Variants in MMRN2 observed in about 807,000 individuals in gnomAD.
MMRN2 encodes the protein multimerin-2.
A neutral mutation model predicts 68.8 loss-of-function variants in MMRN2; 53 were observed. The observed-to-expected ratio is 0.77, with a 90% CI of 0.62 to 0.97. The LOEUF is 0.97. Ranked by LOEUF, MMRN2 falls within the 50% of genes least tolerant of loss-of-function variation. The pLI, the probability that MMRN2 is intolerant of heterozygous loss-of-function variation, is 0.00. For missense variants in MMRN2, 1,266 were observed against 1,259.5 expected (o/e 1.01, Z -0.08); for synonymous variants, 564 against 551.6 (o/e 1.02, Z -0.32).
rs1033563788 is a variant in MMRN2, at chr10:86,943,603, A to C, written c.1181T>G (p.Leu394Trp). ...CCTCATGTCCTCCAGGGTGTACTGC[A>C]ACTCCTCCTCCCTGCGGGCCGTGGT... Reference protein sequence around the residue: ...HMTTARREEELQYTLEDMRAT... With the variant: ...HMTTARREEEWQYTLEDMRAT... Residue 394 changes from leucine to tryptophan, a missense_variant, in exon 6 of 7, where the codon TTG (leucine) becomes TGG (tryptophan). Physicochemically the swap from Leu to Trp is moderately conservative, Grantham distance 61 (BLOSUM62 -2). Coordinates refer to ENST00000372027, the MANE Select transcript of MMRN2 (RefSeq NM_024756.3). This position sits in a 1 kb window ranked among gnomAD's most constrained non-coding sequence, Gnocchi z 4.2. The C allele has an allele frequency of 1.6e-5, 26 of 1,613,788 alleles. No homozygotes were observed. Among genetic ancestry groups the C allele is most frequent in the Non-Finnish European group, 2.1e-5 (25 of 1,180,010 alleles).
intron 6 of MMRN2, among the ~76,000 whole-genome samples, chr10:86,939,160 CAA>C (rs71019439): frequency 0.092 from 8,908 of 96,334 alleles, 413 homozygotes; most frequent in East Asian, 0.16. Flanking sequence ...GAAACTCCGT[CAA>C]AAAAAAAAAA....
In MMRN2 at chr10:86,942,719, C is replaced by T. The variant is rs1010480626; in HGVS notation, c.2065G>A (p.Ala689Thr). 7 of 1,470,560 alleles carry T rather than the reference C, an allele frequency of 4.8e-6. No individual in the cohort carries two copies. The East Asian group carries it at 1.8e-4, about 38-fold the overall frequency. The allele number at this position is 1,470,560 out of a possible 1,614,324, so 91.1% of individuals were successfully genotyped here. A position where few individuals can be genotyped will look rare whatever the true frequency, so the allele number is the denominator to read the frequency against. The change falls in exon 6 of 7, where the codon GCC (alanine) becomes ACC (threonine). Residue 689 changes from alanine to threonine, a missense_variant. Physicochemically the swap from Ala to Thr is moderately conservative, Grantham distance 58 (BLOSUM62 0). Coordinates refer to ENST00000372027, the MANE Select transcript of MMRN2 (RefSeq NM_024756.3). ...AGCCCGGCCAGGGCGGTGGTGGCGG[C>T]CTCCTCGCGGCCCGCGTCGTGGCTG... ...EPSHDAGREEAATTALAGLAR... is the reference protein window; with the variant it reads ...EPSHDAGREETATTALAGLAR...
Position 86,943,397 on chromosome 10 carries a change from C to T in MMRN2, c.1387G>A (p.Glu463Lys), listed in dbSNP as rs1381704206. 6.2e-7 allele frequency: 1 copy of T among 1,613,904 alleles called. No homozygotes were observed. The highest frequency in any genetic ancestry group is 8.5e-7 in the Non-Finnish European group (1 of 1,179,982). Reference sequence around the variant, plus strand: ...AGCTCCAGGAGCTGCCGCTCCACCTCCTCCTTGTTCTCCTCCATGATCAGA... The same window carrying T: ...AGCTCCAGGAGCTGCCGCTCCACCTTCTCCTTGTTCTCCTCCATGATCAGA... ...KSLIMEENKEEVERQLLELNL... is the reference protein window; with the variant it reads ...KSLIMEENKEKVERQLLELNL... Residue 463 changes from glutamate to lysine, a missense_variant, in exon 6 of 7, where the codon GAG (glutamate) becomes AAG (lysine). By Grantham distance (56) the Glu-to-Lys change is moderately conservative. Transcript: ENST00000372027. The surrounding 1 kb of genome is among the most constrained non-coding windows in gnomAD (Gnocchi z 4.2).
chr10:86,944,912 G>C (rs1238260701), intron 4 of MMRN2, among the ~76,000 whole-genome samples: 1 of 152,202 alleles, frequency 6.6e-6, no homozygotes, highest in Non-Finnish European at 1.5e-5. Context: ...ACAAGGGCTT[G>C]TGTGGTTCAG....
In MMRN2 at chr10:86,943,281, C is replaced by T. The variant is rs2133678830; in HGVS notation, c.1503G>A (p.Leu501=). ...CCCTCTGGCCCTCCCGGATGACGTC[C>T]AGGTCTAAATAGAGCTTCTGGCAAT... The part of the protein sequence containing the change: ...DCNCQKLYLD[L]DVIREGQRDA... The change falls in exon 6 of 7, where the codon CTG becomes CTA. Residue 501 remains leucine, a synonymous_variant. Coordinates refer to ENST00000372027, the MANE Select transcript of MMRN2 (RefSeq NM_024756.3). This position sits in a 1 kb window ranked among gnomAD's most constrained non-coding sequence, Gnocchi z 4.2. 1 of 1,613,592 alleles carries T rather than the reference C, an allele frequency of 6.2e-7. No homozygotes were observed. The highest frequency in any genetic ancestry group is 8.5e-7 in the Non-Finnish European group (1 of 1,180,008).
In MMRN2 at chr10:86,936,863, G is replaced by A. The variant is rs774863951; in HGVS notation, c.2730C>T (p.Val910=). The A allele has an allele frequency of 6.2e-7, 1 of 1,614,094 alleles. No homozygotes were observed. The highest frequency in any genetic ancestry group is 8.5e-7 in the Non-Finnish European group (1 of 1,180,054). The change falls in exon 7 of 7, where the codon GTC becomes GTT. Residue 910 remains valine, a synonymous_variant. Transcript: ENST00000372027. ...CCTTCTGCAGCTCAGCCATGGCAAA[G>A]ACCGTTGCTGTGCTTCCACTCCCCT... ...TGQGSGSTAT[V]FAMAELQKGE...
chr10:86,955,273 C>G (rs1266887676), intron 1 of MMRN2, among the ~76,000 whole-genome samples: 2 of 152,174 alleles, frequency 1.3e-5, no homozygotes, highest in Admixed American at 6.5e-5. Context: ...CACCCACATT[C>G]TAGACATCCC....
intron 1 of MMRN2, among the ~76,000 whole-genome samples, chr10:86,948,059 C>G (rs1248404332): frequency 6.6e-6 from 1 of 151,662 alleles, no homozygotes; most frequent in Non-Finnish European, 1.5e-5. Context: ...CGTAGTGAGA[C>G]CTCATCCCTA....
chr10:86,940,378 C>T (rs12259593), intron 6 of MMRN2, among the ~76,000 whole-genome samples: 2,140 of 152,178 alleles, frequency 0.014, 48 homozygotes, highest in African/African-American at 0.049. Context: ...ATTTCCAAAC[C>T]GTGGGGCAAA....
At chr10:86,944,186 T>G in intron 5 of MMRN2, 58 bp from the exon 6 acceptor site, 1 of 1,594,252 alleles carries the variant, frequency 6.3e-7, no homozygotes, top group Non-Finnish European at 8.6e-7. Flanking sequence ...CCTCCCAGGC[T>G]GGGACCAGCG....
chr10:86,946,716 A>G (rs1441990618), intron 1 of MMRN2, among the ~76,000 whole-genome samples: 1 of 152,182 alleles, frequency 6.6e-6, no homozygotes, highest in African/African-American at 2.4e-5. Context: ...CAGAGTTGAA[A>G]GTGGCAATGA....
chr10:86,940,838 A>G (rs1166593196), intron 6 of MMRN2, among the ~76,000 whole-genome samples: 1 of 152,198 alleles, frequency 6.6e-6, no homozygotes, highest in Non-Finnish European at 1.5e-5. Flanking sequence ...AGCCTCTGGC[A>G]GAGAGAGTCA....
intron 6 of MMRN2, among the ~76,000 whole-genome samples, chr10:86,939,814 TG>T: frequency 7.2e-6 from 1 of 139,348 alleles, no homozygotes; most frequent in South Asian, 2.4e-4. Context: ...GGGGTGTGTG[TG>T]TGTGTGTGTG....
Position 86,944,267 on chromosome 10 carries a change from C to T in MMRN2, c.650G>A (p.Gly217Glu). 6.2e-7 allele frequency: 1 copy of T among 1,606,824 alleles called. No individual in the cohort carries two copies. Among genetic ancestry groups the T allele is most frequent in the Non-Finnish European group, 8.5e-7 (1 of 1,174,668 alleles). Reference sequence around the variant, plus strand: ...CCCTAGAGCCTGCCACTCACCGTGCCCTGTTTGATTTGCTTCCATCACTGC... The same window carrying T: ...CCCTAGAGCCTGCCACTCACCGTGCTCTGTTTGATTTGCTTCCATCACTGC... ...TAAVMEANQT[G>E]HEFPDRSLEQ... The change falls in exon 5 of 7, where the codon GGG becomes GAG. Residue 217 changes from glycine to glutamate, a missense_variant. By Grantham distance (98) the Gly-to-Glu change is moderately conservative. Transcript: ENST00000372027.
At chr10:86,955,094 G>A (rs1024277782) in intron 1 of MMRN2, among the ~76,000 whole-genome samples, 2 of 152,196 alleles carry the variant, frequency 1.3e-5, no homozygotes, top group South Asian at 2.1e-4. Context: ...AGGACAGCCT[G>A]GGTGGGCCTG....
Position 86,943,615 on chromosome 10 carries a change from C to T in MMRN2, c.1169G>A (p.Arg390Lys), listed in dbSNP as rs750028252. Residue 390 changes from arginine (R) to lysine (K), a missense_variant, in exon 6 of 7, where the codon AGG (arginine) becomes AAG (lysine). Arg to Lys is a conservative substitution (Grantham distance 26, BLOSUM62 2). Coordinates refer to ENST00000372027, the MANE Select transcript of MMRN2 (RefSeq NM_024756.3). This position sits in a 1 kb window ranked among gnomAD's most constrained non-coding sequence, Gnocchi z 4.2. ...LSELHMTTAR[R>K]EEELQYTLED... Reference sequence around the variant, plus strand: ...CAGGGTGTACTGCAACTCCTCCTCCCTGCGGGCCGTGGTCATGTGCAGCTC... The same window carrying T: ...CAGGGTGTACTGCAACTCCTCCTCCTTGCGGGCCGTGGTCATGTGCAGCTC... 1.4e-5 allele frequency: 22 copies of T among 1,613,794 alleles called. No individual in the cohort carries two copies. The East Asian group carries it at 3.8e-4, about 28-fold the overall frequency.
At chr10:86,953,326 A>G (rs148346332) in intron 1 of MMRN2, among the ~76,000 whole-genome samples, 3,573 of 152,328 alleles carry the variant, frequency 0.023, 129 homozygotes, top group African/African-American at 0.079. Context: ...CCATATTAAA[A>G]TGAAATCTTC....
intron 1 of MMRN2, among the ~76,000 whole-genome samples, chr10:86,955,061 C>T (rs1473417752): frequency 1.3e-5 from 2 of 152,216 alleles, no homozygotes; most frequent in Non-Finnish European, 2.9e-5. Flanking sequence ...GCATCCCCTA[C>T]ACGGCCACCC....
At chr10:86,956,935 G>T (rs1179193840) in intron 1 of MMRN2, among the ~76,000 whole-genome samples, 1 of 152,228 alleles carries the variant, frequency 6.6e-6, no homozygotes, top group Non-Finnish European at 1.5e-5. Flanking sequence ...GCAGGGGGCC[G>T]TCTCTGCTCA....
Sources: gnomAD v4.1 joint callset for allele counts (sites outside exome capture counted in the v4.1 genomes callset) on GRCh38, gnomAD v4.1.1 for gene constraint, Gnocchi (gnomAD v3.1) non-coding constraint, MANE v1.5 for transcripts, NCBI Gene and HGNC (gene_info 2026-07-23, HGNC 2026-07-21) for gene names.